Variants in ZBTB20 observed in about 807,000 individuals in gnomAD.
ZBTB20 encodes zinc finger and BTB domain containing 20, also known as zinc finger and BTB domain-containing protein 20.
Under a neutral mutation model 56.9 loss-of-function variants are expected in ZBTB20, and 9 were observed. That is an observed-to-expected ratio of 0.16 (90% CI 0.10 to 0.28). ZBTB20 has a LOEUF of 0.28. Among genes scored for constraint, ZBTB20 ranks in the 10% least tolerant of loss-of-function variants. The pLI, the probability that ZBTB20 is intolerant of heterozygous loss-of-function variation, is 1.00. For missense variants in ZBTB20, 655 were observed against 1,003.0 expected, an observed-to-expected ratio of 0.65 and a Z score of 4.69; for synonymous variants, 417 against 420.7, an observed-to-expected ratio of 0.99 and a Z score of 0.11.
chr3:114,431,921 T>C (rs748088305), intron 7 of ZBTB20, among the ~76,000 whole-genome samples: 1 of 151,688 alleles, frequency 6.6e-6, no homozygotes, highest in Non-Finnish European at 1.5e-5. Context: ...CACAAAGGAG[T>C]GAAAAGGTAG....
chr3:114,984,976 T>A (rs1359415193), intron 2 of ZBTB20, among the ~76,000 whole-genome samples: 1 of 152,030 alleles, frequency 6.6e-6, no homozygotes, highest in East Asian at 1.9e-4. Flanking sequence ...TCATGATGGC[T>A]TCCCCTTCTC....
chr3:114,749,661 T>C (rs190678314), intron 5 of ZBTB20, among the ~76,000 whole-genome samples: 112 of 152,252 alleles, frequency 7.4e-4, no homozygotes, highest in Admixed American at 1.1e-3. Context: ...TACTATAAAC[T>C]TCTTTCCCAT....
intron 4 of ZBTB20, among the ~76,000 whole-genome samples, chr3:114,837,839 G>A (rs1486854703): frequency 6.6e-6 from 1 of 150,440 alleles, no homozygotes; most frequent in Non-Finnish European, 1.5e-5. Context: ...CTTAGAAGCT[G>A]CCTATTATAA....
At chr3:115,132,796 T>G (rs1354470034) in intron 1 of ZBTB20, among the ~76,000 whole-genome samples, 1 of 152,046 alleles carries the variant, frequency 6.6e-6, no homozygotes, top group Admixed American at 6.6e-5. Flanking sequence ...CCCCCAAAAT[T>G]TAGAATACCT....
intron 6 of ZBTB20, among the ~76,000 whole-genome samples, chr3:114,683,524 G>A (rs2062116328): frequency 6.6e-6 from 1 of 152,186 alleles, no homozygotes; most frequent in South Asian, 2.1e-4. Flanking sequence ...GGTAATCTCA[G>A]AGGGTAAGAT....
At chr3:115,130,365 T>G (rs943488072) in intron 1 of ZBTB20, among the ~76,000 whole-genome samples, 2 of 152,240 alleles carry the variant, frequency 1.3e-5, no homozygotes, top group African/African-American at 4.8e-5. Context: ...ATTAACTTAT[T>G]TGTGACATCA....
At chr3:114,822,068 T>G (rs2073281415) in intron 4 of ZBTB20, among the ~76,000 whole-genome samples, 1 of 152,094 alleles carries the variant, frequency 6.6e-6, no homozygotes, top group African/African-American at 2.4e-5. Context: ...GAAATAAGAC[T>G]TGATAGTGTA....
intron 7 of ZBTB20, among the ~76,000 whole-genome samples, chr3:114,448,384 A>G (rs1396422244): frequency 1.3e-5 from 2 of 152,138 alleles, no homozygotes; most frequent in African/African-American, 2.4e-5. Flanking sequence ...TGTGATCAGA[A>G]AAATTATCGT....
chr3:114,606,541 G>A (rs1455400716), intron 6 of ZBTB20, among the ~76,000 whole-genome samples: 1 of 152,102 alleles, frequency 6.6e-6, no homozygotes, highest in Non-Finnish European at 1.5e-5. Flanking sequence ...AAATGGAAGA[G>A]AAAAGGAAAC....
chr3:114,724,374 C>T (rs2065127135), intron 5 of ZBTB20, among the ~76,000 whole-genome samples: 1 of 152,176 alleles, frequency 6.6e-6, no homozygotes, highest in Admixed American at 6.5e-5. Flanking sequence ...CATAGAATCT[C>T]AGAGTTTGGA....
At chr3:114,499,996 A>G (rs1169611230) in intron 7 of ZBTB20, among the ~76,000 whole-genome samples, 3 of 152,372 alleles carry the variant, frequency 2.0e-5, no homozygotes, top group East Asian at 3.9e-4. Context: ...TGAAGAATAC[A>G]TAATTGCCCA....
intron 4 of ZBTB20, among the ~76,000 whole-genome samples, chr3:114,892,810 A>T (rs2076869390): frequency 6.6e-6 from 1 of 152,226 alleles, no homozygotes; most frequent in African/African-American, 2.4e-5. Flanking sequence ...CCTGATGGAC[A>T]ACTGTCTCTG....
At chr3:114,768,555 C>A (rs1038582737) in intron 5 of ZBTB20, among the ~76,000 whole-genome samples, 1 of 151,918 alleles carries the variant, frequency 6.6e-6, no homozygotes, top group Admixed American at 6.6e-5. Context: ...AGCAAATAAA[C>A]AATAATAAAC....
At chr3:114,546,713 A>C (rs1258080318) in intron 6 of ZBTB20, among the ~76,000 whole-genome samples, 1 of 152,186 alleles carries the variant, frequency 6.6e-6, no homozygotes, top group African/African-American at 2.4e-5. Flanking sequence ...CCACTCCCTG[A>C]AGATGTTTAT....
chr3:115,109,386 A>C (rs1279897094), intron 1 of ZBTB20, among the ~76,000 whole-genome samples: 3 of 152,178 alleles, frequency 2.0e-5, no homozygotes, highest in African/African-American at 7.2e-5. Context: ...CTATACTCAA[A>C]AACTCAATAG....
chr3:114,618,707 A>G (rs913078266), intron 6 of ZBTB20, among the ~76,000 whole-genome samples: 24 of 152,222 alleles, frequency 1.6e-4, no homozygotes, highest in African/African-American at 5.8e-4. Flanking sequence ...TCATTAGACA[A>G]ATGAAATAGA....
intron 2 of ZBTB20, among the ~76,000 whole-genome samples, chr3:115,018,564 T>C (rs1167011880): frequency 6.6e-6 from 1 of 151,414 alleles, no homozygotes; most frequent in Non-Finnish European, 1.5e-5. Flanking sequence ...TTTAGATTGA[T>C]ATGTTCCCAA....
intron 6 of ZBTB20, among the ~76,000 whole-genome samples, chr3:114,540,469 A>T (rs1039567157): frequency 6.6e-6 from 1 of 152,122 alleles, no homozygotes; most frequent in African/African-American, 2.4e-5. Flanking sequence ...CCTAGGCTAC[A>T]TCTGTAACAC....
intron 5 of ZBTB20, among the ~76,000 whole-genome samples, chr3:114,714,269 TC>T (rs1227409728): frequency 6.6e-6 from 1 of 152,226 alleles, no homozygotes; most frequent in Non-Finnish European, 1.5e-5. Context: ...CTAAGAGAAT[TC>T]TTCCATGAGA....
Sources: allele counts gnomAD v4.1 joint callset (sites outside exome capture counted in the v4.1 genomes callset), GRCh38; gene constraint gnomAD v4.1.1; transcripts MANE v1.5; gene names NCBI Gene and HGNC (gene_info 2026-07-23, HGNC 2026-07-21).